WWOX: variants seen among roughly 807,000 people sequenced by gnomAD.
WWOX encodes WW domain-containing oxidoreductase.
In WWOX, 69 loss-of-function variants were observed where a neutral mutation model predicts 46.2. The observed-to-expected ratio is 1.49, with a 90% CI of 1.23 to 1.82. The LOEUF (loss-of-function observed/expected upper bound fraction) is 1.82, where lower values mean the gene tolerates loss of function less well. Among genes scored for constraint, WWOX ranks in the 40% most tolerant of loss-of-function variants. WWOX has a pLI of 0.00. For synonymous variants in WWOX, 359 were observed against 202.6 expected, an observed-to-expected ratio of 1.77 and a Z score of -6.56; for missense variants, 919 against 542.6, an observed-to-expected ratio of 1.69 and a Z score of -6.89.
intron 8 of WWOX, among the ~76,000 whole-genome samples, chr16:78,509,982 C>G (rs958203608): frequency 1.3e-5 from 2 of 151,798 alleles, no homozygotes; most frequent in Non-Finnish European, 2.9e-5. Context: ...TGCCTGTAGT[C>G]CCAGCTTCTG....
chr16:78,937,481 G>C (rs550881213), intron 8 of WWOX, among the ~76,000 whole-genome samples: 9 of 98,106 alleles, frequency 9.2e-5, no homozygotes, highest in Non-Finnish European at 1.9e-4. Context: ...TTTTAATAGC[G>C]ATGGGGTTTC....
chr16:78,178,250 T>G (rs369486583), intron 5 of WWOX, among the ~76,000 whole-genome samples: 3 of 152,326 alleles, frequency 2.0e-5, no homozygotes, highest in African/African-American at 7.2e-5. Flanking sequence ...GTCCCAGCAC[T>G]TCTGTGCTGT....
At position 78,438,488 on chromosome 16, in the gene WWOX, C is replaced by T. The variant is rs78986479; in HGVS notation, c.1056+5736C>T. Among the ~76,000 whole-genome samples, 56 of 151,542 alleles carry T rather than the reference C, an allele frequency of 3.7e-4. 2 individuals are homozygous for T. The East Asian group carries it at 0.011, about 29-fold the overall frequency. ...TTTTTTTCCACATAAGCTTTCATTT[C>T]TGGTAAATACATCCTTGCCAGAGTT... is the stretch of plus-strand genomic sequence containing the variant. On this transcript the variant is annotated intron_variant, in intron 8 of 8. Transcript: ENST00000566780.
chr16:78,201,450 G>C (rs775548690), intron 5 of WWOX, among the ~76,000 whole-genome samples: 2 of 152,150 alleles, frequency 1.3e-5, no homozygotes, highest in Non-Finnish European at 2.9e-5. Flanking sequence ...GACCTGAAAT[G>C]ATAAATGTTT....
intron 8 of WWOX, among the ~76,000 whole-genome samples, chr16:78,517,230 C>T (rs1282162873): frequency 2.0e-5 from 3 of 152,122 alleles, no homozygotes; most frequent in Admixed American, 2.0e-4. Flanking sequence ...TATTAAGTTA[C>T]CTTTTCCTGA....
chr16:78,267,756 CTGATTGATTGAT>C (rs10618216), intron 5 of WWOX, among the ~76,000 whole-genome samples: 6 of 151,770 alleles, frequency 4.0e-5, no homozygotes, highest in East Asian at 1.9e-4. Flanking sequence ...TCTGTTCCAC[CTGATTGATTGAT>C]TGATTGATTG....
At chr16:79,210,283 C>G (rs915578594) in intron 8 of WWOX, among the ~76,000 whole-genome samples, 1 of 152,196 alleles carries the variant, frequency 6.6e-6, no homozygotes, top group African/African-American at 2.4e-5. Flanking sequence ...ATGGCAGATT[C>G]TTCACGTCGT....
chr16:78,535,815 G>A (rs189746000), intron 8 of WWOX, among the ~76,000 whole-genome samples: 1 of 152,162 alleles, frequency 6.6e-6, no homozygotes. Context: ...ACAAGTTGGA[G>A]GGAATCCATC....
At chr16:78,761,975 A>G (rs1489924720) in intron 8 of WWOX, among the ~76,000 whole-genome samples, 1 of 152,116 alleles carries the variant, frequency 6.6e-6, no homozygotes, top group Non-Finnish European at 1.5e-5. Context: ...TGTTTGAGAA[A>G]CTGTGCAGTG....
At chr16:78,811,424 C>G (rs142838114) in intron 8 of WWOX, among the ~76,000 whole-genome samples, 2 of 152,156 alleles carry the variant, frequency 1.3e-5, no homozygotes, top group South Asian at 2.1e-4. Context: ...TTCTTCATCT[C>G]CCTCTTCCTC....
intron 5 of WWOX, among the ~76,000 whole-genome samples, chr16:78,368,490 G>A (rs561876048): frequency 2.6e-5 from 4 of 152,222 alleles, no homozygotes; most frequent in Admixed American, 6.5e-5. Flanking sequence ...AAAAGCTCTG[G>A]GCCACCCCAT....
rs377665488 is a variant in WWOX at position 78,397,857 on chromosome 16, C to T, written c.605+10909C>T. On this transcript the variant is annotated intron_variant, in intron 6 of 8. Coordinates refer to ENST00000566780, the MANE Select transcript of WWOX (RefSeq NM_016373.4). ...CAATTTTCTATCACCAAAGGGAAAT[C>T]GTTTTGCTGGAATATGTGTAAAGGA... Among the ~76,000 whole-genome samples, 24 of 152,284 alleles carry T rather than the reference C, an allele frequency of 1.6e-4. 1 individual carries two copies. The Middle Eastern group carries it at 0.01, about 65-fold the overall frequency.
chr16:78,214,284 G>A (rs2036649453), intron 5 of WWOX, among the ~76,000 whole-genome samples: 1 of 152,298 alleles, frequency 6.6e-6, no homozygotes, highest in South Asian at 2.1e-4. Flanking sequence ...CTACCTGTGC[G>A]ATCACTAGCC....
chr16:78,840,371 C>A (rs2052105023), intron 8 of WWOX, among the ~76,000 whole-genome samples: 1 of 152,084 alleles, frequency 6.6e-6, no homozygotes, highest in Admixed American at 6.5e-5. Flanking sequence ...GGTAAGGCCA[C>A]TGTACGTCTG....
intron 8 of WWOX, among the ~76,000 whole-genome samples, chr16:79,010,062 C>G (rs2047272488): frequency 6.6e-6 from 1 of 152,186 alleles, no homozygotes; most frequent in African/African-American, 2.4e-5. Context: ...GCTATGCTTG[C>G]AAAGGCCTTG....
At chr16:79,068,810 C>T (rs1339663943) in intron 8 of WWOX, among the ~76,000 whole-genome samples, 1 of 128,006 alleles carries the variant, frequency 7.8e-6, no homozygotes, top group African/African-American at 2.9e-5. Flanking sequence ...GAACTTGTCT[C>T]AAAAAAACCC....
At chr16:78,503,061 TAAC>T (rs757224762) in intron 8 of WWOX, among the ~76,000 whole-genome samples, 1 of 152,230 alleles carries the variant, frequency 6.6e-6, no homozygotes, top group Non-Finnish European at 1.5e-5. Flanking sequence ...TTGAGCCTTC[TAAC>T]AACATTGCCT....
At chr16:78,480,340 G>A (rs1460683760) in intron 8 of WWOX, among the ~76,000 whole-genome samples, 7 of 152,180 alleles carry the variant, frequency 4.6e-5, no homozygotes, top group African/African-American at 7.2e-5. Context: ...AACCACTTGG[G>A]TTCCGAGAGG....
intron 8 of WWOX, among the ~76,000 whole-genome samples, chr16:78,924,555 T>C (rs1394594041): frequency 3.3e-5 from 5 of 152,192 alleles, no homozygotes; most frequent in African/African-American, 7.2e-5. Context: ...ATCTGTAAAA[T>C]CCTTCCACTG....
Sources: gnomAD v4.1 joint callset for allele counts (sites outside exome capture counted in the v4.1 genomes callset) on GRCh38, gnomAD v4.1.1 for gene constraint, MANE v1.5 for transcripts, NCBI Gene and HGNC (gene_info 2026-07-23, HGNC 2026-07-21) for gene names.